Variants in GTF2I observed in about 807,000 individuals in gnomAD.
GTF2I encodes the protein general transcription factor IIi.
A neutral mutation model predicts 67.6 loss-of-function variants in GTF2I; 12 were observed. The observed-to-expected ratio is 0.18, with a 90% CI of 0.11 to 0.29. The LOEUF (loss-of-function observed/expected upper bound fraction) is 0.29. Ranked by LOEUF, GTF2I falls within the 10% of genes least tolerant of loss-of-function variation. The pLI, the probability that GTF2I is intolerant of heterozygous loss-of-function variation, is 1.00. For synonymous variants in GTF2I, 149 were observed against 197.0 expected, an observed-to-expected ratio of 0.76 and a Z score of 2.04; for missense variants, 271 against 580.1, an observed-to-expected ratio of 0.47 and a Z score of 5.47.
chr7:74,703,527 C>T (rs1471931654), intron 6 of GTF2I, among the ~76,000 whole-genome samples: 1 of 151,968 alleles, frequency 6.6e-6, no homozygotes, highest in Non-Finnish European at 1.5e-5. Context: ...CTACAGGTGC[C>T]CGCCACCATG....
In GTF2I at chr7:74,659,114, G is replaced by A. The variant is rs185494366; in HGVS notation, c.-6+1046G>A. Among the ~76,000 whole-genome samples, 294 of 152,170 alleles carry A rather than the reference G, an allele frequency of 1.9e-3. 2 individuals are homozygous for A. Among genetic ancestry groups the A allele is most frequent in the Non-Finnish European group, 2.6e-3 (178 of 68,014 alleles). ...TAAAAAAAATTATTTGTGGAGATGC[G>A]TTCTCACTTTGTTGCCCAGGCTGGT... On this transcript the variant is annotated intron_variant, in intron 1 of 34. Coordinates refer to ENST00000573035, the MANE Select transcript of GTF2I (RefSeq NM_032999.4).
At chr7:74,666,811 CAAAA>C (rs61609037) in intron 1 of GTF2I, among the ~76,000 whole-genome samples, 2 of 129,156 alleles carry the variant, frequency 1.5e-5, no homozygotes. Flanking sequence ...ACTAAAAATA[CAAAA>C]AAAAAAAAAA....
intron 1 of GTF2I, among the ~76,000 whole-genome samples, chr7:74,677,945 T>G (rs1562942653): frequency 6.6e-6 from 1 of 151,998 alleles, no homozygotes; most frequent in African/African-American, 2.4e-5. Context: ...CAGAAGTGCA[T>G]CCACCAGTAC....
At chr7:74,695,869 C>T (rs587629647) in intron 3 of GTF2I, among the ~76,000 whole-genome samples, 11 of 152,268 alleles carry the variant, frequency 7.2e-5, no homozygotes, top group African/African-American at 2.4e-4. Context: ...ACTTATTCTC[C>T]CCTTCCCTGT....
intron 1 of GTF2I, among the ~76,000 whole-genome samples, chr7:74,678,867 G>A (rs1786944613): frequency 6.6e-6 from 1 of 151,870 alleles, no homozygotes; most frequent in African/African-American, 2.4e-5. Flanking sequence ...CGCCTCCCGG[G>A]TTCAAGCAAT....
At chr7:74,717,019 T>G (rs1554403776) in intron 11 of GTF2I, 69 bp downstream of exon 11, 1 of 1,536,404 alleles carries the variant, frequency 6.5e-7, no homozygotes, top group Non-Finnish European at 8.9e-7. Flanking sequence ...ATAGATTCTA[T>G]TATCCTTAAA....
chr7:74,722,743 A>G (rs782547497), intron 12 of GTF2I: 5 of 152,206 alleles, frequency 3.3e-5, no homozygotes, highest in Non-Finnish European at 4.4e-5. Flanking sequence ...ACATGACCAC[A>G]CGTGGCACAC....
Position 74,689,200 on chromosome 7 carries a change from A to G in GTF2I, c.72A>G (p.Thr24=). The part of the protein sequence containing the change: ...EESSESRMVV[T]FLMSALESMC... ...CCTCGGAGAGCAGGATGGTGGTGAC[A>G]TTCCTCATGTCAGCTCTCGAGTCCA... The change falls in exon 2 of 35, where the codon ACA becomes ACG. Residue 24 remains threonine (T), a synonymous_variant. Transcript: ENST00000573035. The G allele has an allele frequency of 6.2e-7, 1 of 1,609,866 alleles. No homozygotes were observed.
chr7:74,711,813 A>G (rs1272019844), intron 9 of GTF2I, among the ~76,000 whole-genome samples: 1 of 152,138 alleles, frequency 6.6e-6, no homozygotes, highest in Non-Finnish European at 1.5e-5. Flanking sequence ...ATTCTATTGT[A>G]TGCCTGAGTC....
intron 15 of GTF2I, among the ~76,000 whole-genome samples, 198 bp downstream of exon 15, chr7:74,732,860 A>G (rs1794610872): frequency 6.7e-6 from 1 of 149,654 alleles, no homozygotes; most frequent in South Asian, 2.1e-4. Flanking sequence ...CGAAGCATGA[A>G]CAGTGCCCGC....
In GTF2I at chr7:74,660,589, C is replaced by CT. The variant is rs1229710975; in HGVS notation, c.-6+2529dup. Among the ~76,000 whole-genome samples, 10 of 148,546 alleles carry CT rather than the reference C, an allele frequency of 6.7e-5. No individual in the cohort carries two copies. The South Asian group carries it at 1.3e-3, about 20-fold the overall frequency. ...CTCGCAGGGCACCTTTATTTTCTCT[C>CT]TTTTTTTTCCTTTTCCTTTTTCTTT... On this transcript the variant is annotated intron_variant, in intron 1 of 34. Coordinates refer to ENST00000573035, the MANE Select transcript of GTF2I (RefSeq NM_032999.4).
intron 21 of GTF2I, among the ~76,000 whole-genome samples, chr7:74,745,524 T>TCAC (rs1467289418): frequency 1.5e-5 from 2 of 130,638 alleles, no homozygotes; most frequent in African/African-American, 5.8e-5. Flanking sequence ...CCTCAGGTGA[T>TCAC]CCACCCGCCT....
intron 1 of GTF2I, among the ~76,000 whole-genome samples, chr7:74,664,628 TC>T (rs1554387864): frequency 6.6e-6 from 1 of 152,078 alleles, no homozygotes; most frequent in Non-Finnish European, 1.5e-5. Flanking sequence ...GATACAGGTT[TC>T]ACCATGTTGG....
intron 3 of GTF2I, among the ~76,000 whole-genome samples, chr7:74,698,235 G>A (rs1374526884): frequency 6.6e-6 from 1 of 151,956 alleles, no homozygotes; most frequent in Non-Finnish European, 1.5e-5. Flanking sequence ...GATTACAGGC[G>A]TGAGCCACCG....
intron 12 of GTF2I, among the ~76,000 whole-genome samples, chr7:74,725,195 AT>A (rs1554405416): frequency 6.6e-6 from 1 of 151,964 alleles, no homozygotes; most frequent in Non-Finnish European, 1.5e-5. Flanking sequence ...CGAGAAACCC[AT>A]TTTTTTTCTT....
In GTF2I at chr7:74,667,682, G is replaced by T. The variant is rs182960443; in HGVS notation, c.-6+9614G>T. ...AGGTGCATGCCACCACGTCTGGCTTGATTTTTTTATTTTTTGTGGAGATGG... is the reference window on the plus strand; with the variant it reads ...AGGTGCATGCCACCACGTCTGGCTTTATTTTTTTATTTTTTGTGGAGATGG... On this transcript the variant is annotated intron_variant, in intron 1 of 34. Coordinates refer to ENST00000573035, the MANE Select transcript of GTF2I (RefSeq NM_032999.4). 3.8e-3 allele frequency among the ~76,000 whole-genome samples: 575 copies of T among 150,996 alleles called. 2 individuals are homozygous for T. Among genetic ancestry groups the T allele is most frequent in the South Asian group, 9.5e-3 (45 of 4,756 alleles).
chr7:74,683,747 G>C (rs1787454569), intron 1 of GTF2I, among the ~76,000 whole-genome samples: 1 of 152,018 alleles, frequency 6.6e-6, no homozygotes, highest in Non-Finnish European at 1.5e-5. Context: ...CAGCTACTCG[G>C]GAGGCAGAGG....
intron 6 of GTF2I, among the ~76,000 whole-genome samples, chr7:74,701,666 A>G (rs1021552574): frequency 6.6e-6 from 1 of 151,948 alleles, no homozygotes; most frequent in Non-Finnish European, 1.5e-5. Flanking sequence ...ATGGGGTTTC[A>G]CCATGTTAGG....
chr7:74,679,827 TC>T (rs1554393533), intron 1 of GTF2I, among the ~76,000 whole-genome samples: 1 of 151,992 alleles, frequency 6.6e-6, no homozygotes. Flanking sequence ...TCGCCTGTAA[TC>T]CCAGCCCTTT....
Sources: allele counts gnomAD v4.1 joint callset (sites outside exome capture counted in the v4.1 genomes callset), GRCh38; gene constraint gnomAD v4.1.1; transcripts MANE v1.5; gene names NCBI Gene and HGNC (gene_info 2026-07-23, HGNC 2026-07-21).